The following LDLRAD4 variants were observed in gnomAD, a reference collection of about 807,000 sequenced individuals.
The protein encoded by LDLRAD4 is low density lipoprotein receptor class A domain containing 4, also known as low-density lipoprotein receptor class A domain-containing protein 4.
LDLRAD4 carries 5 observed loss-of-function variants against 17.0 expected under a neutral mutation model. The observed-to-expected ratio is 0.29, with a 90% confidence interval of 0.15 to 0.62. The LOEUF is 0.62. Ranked by LOEUF, LDLRAD4 falls within the 20% of genes least tolerant of loss-of-function variation. The pLI, the probability that LDLRAD4 is intolerant of heterozygous loss-of-function variation, is 0.84. For synonymous variants in LDLRAD4, 168 were observed against 171.8 expected (o/e 0.98, Z 0.17); for missense variants, 340 against 424.7 (o/e 0.80, Z 1.75).
chr18:13,632,976 C>T (rs1283355377), intron 4 of LDLRAD4, among the ~76,000 whole-genome samples: 1 of 151,948 alleles, frequency 6.6e-6, no homozygotes, highest in Non-Finnish European at 1.5e-5. Context: ...TAGCTCCTTT[C>T]TGTAGGCAGG....
chr18:13,493,495 CT>C, intron 3 of LDLRAD4, among the ~76,000 whole-genome samples: 1 of 152,326 alleles, frequency 6.6e-6, no homozygotes. Flanking sequence ...CATGTTTCCT[CT>C]TTTGCACTGT....
At chr18:13,505,493 C>T (rs2093675385) in intron 3 of LDLRAD4, among the ~76,000 whole-genome samples, 2 of 152,170 alleles carry the variant, frequency 1.3e-5, no homozygotes, top group African/African-American at 4.8e-5. Context: ...GATAGTAGAA[C>T]TGGTATTTAC....
intron 1 of LDLRAD4, among the ~76,000 whole-genome samples, chr18:13,254,231 G>A (rs764435200): frequency 6.6e-6 from 1 of 152,262 alleles, no homozygotes; most frequent in Admixed American, 6.5e-5. Context: ...GAGGCCCAGG[G>A]GAGGCAGGGA....
intron 1 of LDLRAD4, among the ~76,000 whole-genome samples, chr18:13,313,696 G>A (rs1285098758): frequency 6.6e-6 from 1 of 152,274 alleles, no homozygotes; most frequent in East Asian, 1.9e-4. Context: ...GTACTTAGCT[G>A]TTTTCTTAGA....
intron 1 of LDLRAD4, among the ~76,000 whole-genome samples, chr18:13,222,727 A>G (rs530455881): frequency 1.3e-5 from 2 of 151,772 alleles, no homozygotes; most frequent in East Asian, 3.9e-4. Flanking sequence ...CCAAGGAGCA[A>G]CTCTGTGTCC....
intron 1 of LDLRAD4, among the ~76,000 whole-genome samples, chr18:13,244,575 C>T (rs1018663606): frequency 6.6e-6 from 1 of 152,188 alleles, no homozygotes; most frequent in Admixed American, 6.5e-5. Context: ...ACGAATGAAT[C>T]CTTGAAATCT....
chr18:13,546,092 T>A (rs1312938801), intron 3 of LDLRAD4, among the ~76,000 whole-genome samples: 1 of 152,110 alleles, frequency 6.6e-6, no homozygotes, highest in African/African-American at 2.4e-5. Flanking sequence ...GGGCAGATGG[T>A]TTAGCCCCTG....
intron 3 of LDLRAD4, among the ~76,000 whole-genome samples, chr18:13,570,732 A>T (rs1399031450): frequency 6.6e-6 from 1 of 152,234 alleles, no homozygotes; most frequent in East Asian, 1.9e-4. Flanking sequence ...TGGTGACAGA[A>T]GGCGCAGCCC....
At chr18:13,256,393 C>T (rs2043503860) in intron 1 of LDLRAD4, among the ~76,000 whole-genome samples, 1 of 152,196 alleles carries the variant, frequency 6.6e-6, no homozygotes, top group African/African-American at 2.4e-5. Context: ...TGCATGGGCA[C>T]AGGTTAGGAA....
chr18:13,622,623 C>T lies in LDLRAD4; in HGVS notation c.336+1352C>T, dbSNP rs945998552. Among the ~76,000 whole-genome samples, 5 of 152,164 alleles carry T rather than the reference C, an allele frequency of 3.3e-5. No homozygotes were observed. The highest frequency in any genetic ancestry group is 7.2e-5 in the African/African-American group (3 of 41,440). On this transcript the variant is annotated intron_variant, in intron 4 of 5. Coordinates refer to ENST00000359446, the Ensembl canonical transcript of LDLRAD4. The surrounding 1 kb of genome is among the most constrained non-coding windows in gnomAD (Gnocchi z 5.3). The stretch of plus-strand genomic sequence containing the variant: ...TGTCCACAGAGCTGCGCCATCCAGA[C>T]GCACTGAACACTTTGGCATCCTGAT...
chr18:13,237,321 T>C (rs78630928), intron 1 of LDLRAD4, among the ~76,000 whole-genome samples: 2,101 of 152,312 alleles, frequency 0.014, 55 homozygotes, highest in African/African-American at 0.047. Flanking sequence ...GTCACTGGTG[T>C]CCTGGCTGCT....
intron 2 of LDLRAD4, 100 bp from the exon 4 acceptor site, chr18:13,438,144 C>T: frequency 1.9e-6 from 2 of 1,064,042 alleles, no homozygotes; most frequent in Non-Finnish European, 2.9e-6. Context: ...CCCAAACAAT[C>T]ATGGCATGCA....
intron 1 of LDLRAD4, among the ~76,000 whole-genome samples, chr18:13,316,586 A>T (rs1279005493): frequency 6.6e-6 from 1 of 152,220 alleles, no homozygotes; most frequent in Non-Finnish European, 1.5e-5. Flanking sequence ...GTCACCAGCA[A>T]GTCACAGCAG....
chr18:13,415,673 C>A (rs1245847337), intron 2 of LDLRAD4, among the ~76,000 whole-genome samples: 1 of 151,356 alleles, frequency 6.6e-6, no homozygotes, highest in Non-Finnish European at 1.5e-5. Context: ...GCAAACCTCA[C>A]CCCCCCAGGA....
intron 1 of LDLRAD4, among the ~76,000 whole-genome samples, chr18:13,297,203 C>T (rs963249455): frequency 2.0e-5 from 3 of 152,178 alleles, no homozygotes; most frequent in Non-Finnish European, 2.9e-5. Context: ...GTTCGCTGAG[C>T]AGGGATCAGA....
chr18:13,341,844 T>C (rs1377316068), intron 1 of LDLRAD4, among the ~76,000 whole-genome samples: 1 of 152,160 alleles, frequency 6.6e-6, no homozygotes, highest in Non-Finnish European at 1.5e-5. Flanking sequence ...TCTTTCACTT[T>C]TGAGTTTAAT....
chr18:13,525,841 C>T (rs371524980), intron 3 of LDLRAD4, among the ~76,000 whole-genome samples: 1 of 152,234 alleles, frequency 6.6e-6, no homozygotes, highest in Non-Finnish European at 1.5e-5. Context: ...AACGGTTCTT[C>T]TCCCACCTGT....
chr18:13,567,707 G>C (rs2094625266), intron 3 of LDLRAD4, among the ~76,000 whole-genome samples: 1 of 151,384 alleles, frequency 6.6e-6, no homozygotes, highest in African/African-American at 2.4e-5. Flanking sequence ...TGGTAAAATA[G>C]AGAAAGTTCC....
chr18:13,331,450 A>C (rs1237252025), intron 1 of LDLRAD4, among the ~76,000 whole-genome samples: 2 of 152,184 alleles, frequency 1.3e-5, no homozygotes, highest in Non-Finnish European at 2.9e-5. Flanking sequence ...AAAAAGAAAA[A>C]AGAGAAAATA....
Sources: gnomAD v4.1 joint callset for allele counts (sites outside exome capture counted in the v4.1 genomes callset) on GRCh38, gnomAD v4.1.1 for gene constraint, Gnocchi (gnomAD v3.1) non-coding constraint, MANE v1.5 for transcripts, NCBI Gene and HGNC (gene_info 2026-07-23, HGNC 2026-07-21) for gene names.